VANGL1: variants seen among roughly 807,000 people sequenced by gnomAD.
VANGL1 encodes vang-like protein 1.
In VANGL1, 18 loss-of-function variants were observed where a neutral mutation model predicts 48.4. The ratio of observed to expected loss-of-function variants is 0.37; its 90% confidence interval spans 0.26 to 0.55. VANGL1 has a LOEUF of 0.55. Among genes scored for constraint, VANGL1 ranks in the 20% least tolerant of loss-of-function variants. The pLI, the probability that VANGL1 is intolerant of heterozygous loss-of-function variation, is 0.81. For synonymous variants in VANGL1, 257 were observed against 261.8 expected (o/e 0.98, Z 0.18); for missense variants, 667 against 675.8 (o/e 0.99, Z 0.14).
chr1:115,654,733 A>T (rs1228719837), intron 2 of VANGL1, among the ~76,000 whole-genome samples: 1 of 152,090 alleles, frequency 6.6e-6, no homozygotes, highest in Non-Finnish European at 1.5e-5. Context: ...GGTTTGGAGC[A>T]CAAGTTCCCT....
rs1341360527 is a variant in VANGL1 at position 115,645,434 on chromosome 1, A to G, written c.-138+3348A>G. The stretch of plus-strand genomic sequence containing the variant: ...GCTAGGCACTGTTCTAATAATTTTT[A>G]TGAATTATCTCATTTAATACCTACC... On this transcript the variant is annotated intron_variant, in intron 1 of 7. Coordinates refer to ENST00000355485, the MANE Select transcript of VANGL1 (RefSeq NM_138959.3). 2.0e-5 allele frequency among the ~76,000 whole-genome samples: 3 copies of G among 152,226 alleles called. No homozygotes were observed. In the East Asian group the frequency reaches 5.8e-4, roughly 29 times the overall value.
chr1:115,686,729 T>C (rs189648088), intron 7 of VANGL1, among the ~76,000 whole-genome samples: 1 of 152,140 alleles, frequency 6.6e-6, no homozygotes, highest in East Asian at 1.9e-4. Context: ...ACACCCAAAA[T>C]GCCTGACAAA....
chr1:115,682,312 C>T, intron 4 of VANGL1, 52 bp from the exon 5 acceptor site: 1 of 1,609,196 alleles, frequency 6.2e-7, no homozygotes, highest in Non-Finnish European at 8.5e-7. Flanking sequence ...TCGTTTAGGA[C>T]CTGCTTCTTC....
At chr1:115,661,441 A>G (rs1647123133) in intron 3 of VANGL1, among the ~76,000 whole-genome samples, 1 of 151,726 alleles carries the variant, frequency 6.6e-6, no homozygotes, top group African/African-American at 2.4e-5. Context: ...CATATGGTCC[A>G]TCTCCTGCCC....
chr1:115,691,410 A>G lies in VANGL1; in HGVS notation c.*31A>G, dbSNP rs1294254464. 1 of 1,596,450 alleles carries G rather than the reference A, an allele frequency of 6.3e-7. No individual in the cohort carries two copies. Among genetic ancestry groups the G allele is most frequent in the Non-Finnish European group, 8.5e-7 (1 of 1,173,720 alleles). On this transcript the variant is annotated 3_prime_UTR_variant, in exon 8 of 8. Transcript: ENST00000355485. ...CTATATTTGTGGCTTTATTAAAAAAAAAAGAAAAATATATAGAGAGATATA... is the reference window on the plus strand; with the variant it reads ...CTATATTTGTGGCTTTATTAAAAAAGAAAGAAAAATATATAGAGAGATATA...
At position 115,691,693 on chromosome 1, in the gene VANGL1, T is replaced by G. The variant is rs1177927617; in HGVS notation, c.*314T>G. On this transcript the variant is annotated 3_prime_UTR_variant, in exon 8 of 8. Transcript: ENST00000355485. ...CTTGGGAGCCTCGCCTTACAACTAA[T>G]TCCTGCCTTTCGTCCAGTACCAAGT... The G allele has an allele frequency of 3.4e-6, 1 of 291,924 alleles. No homozygotes were observed. The highest frequency in any genetic ancestry group is 6.4e-6 in the Non-Finnish European group (1 of 156,724). The allele number at this position is 291,924 out of a possible 1,614,324, so 18.1% of individuals were successfully genotyped here.
At chr1:115,648,467 G>A (rs61800291) in intron 1 of VANGL1, among the ~76,000 whole-genome samples, 17,757 of 152,152 alleles carry the variant, frequency 0.12, 1,324 homozygotes, top group South Asian at 0.33. Flanking sequence ...GCCTTTCCCT[G>A]GAGGGCAGTT....
intron 4 of VANGL1, among the ~76,000 whole-genome samples, chr1:115,679,043 A>G (rs1178584459): frequency 6.6e-6 from 1 of 151,934 alleles, no homozygotes; most frequent in Non-Finnish European, 1.5e-5. Context: ...TTTTGTGTTT[A>G]TTTAGTTACT....
In VANGL1 at chr1:115,652,886, T is replaced by C. The variant is rs887929871; in HGVS notation, c.71+1402T>C. On this transcript the variant is annotated intron_variant, in intron 2 of 7. Coordinates refer to ENST00000355485, the MANE Select transcript of VANGL1 (RefSeq NM_138959.3). ...AGAAGCTGGAGAATGATGGAAATTT[T>C]CATTTATCTTTTTGTACTTGTTCAA... Among the ~76,000 whole-genome samples, 7 of 152,236 alleles carry C rather than the reference T, an allele frequency of 4.6e-5. No homozygotes were observed. The East Asian group carries it at 1.3e-3, about 29-fold the overall frequency.
intron 4 of VANGL1, among the ~76,000 whole-genome samples, 194 bp downstream of exon 4, chr1:115,664,462 C>T (rs1243706511): frequency 3.3e-5 from 5 of 152,092 alleles, no homozygotes; most frequent in Middle Eastern, 3.2e-3. Context: ...CTAGATGGTG[C>T]GGGGCAGTTG....
At chr1:115,669,265 C>G (rs1652892515) in intron 4 of VANGL1, among the ~76,000 whole-genome samples, 2 of 152,174 alleles carry the variant, frequency 1.3e-5, no homozygotes, top group African/African-American at 2.4e-5. Context: ...GTGACCCATT[C>G]TATAGGATAT....
At chr1:115,661,517 G>C (rs2101332655) in intron 3 of VANGL1, among the ~76,000 whole-genome samples, 1 of 120,424 alleles carries the variant, frequency 8.3e-6, no homozygotes, top group South Asian at 2.8e-4. Context: ...TGTTTCAACA[G>C]CTTATTCTTT....
intron 4 of VANGL1, among the ~76,000 whole-genome samples, chr1:115,674,363 T>G (rs574152029): frequency 2.0e-5 from 3 of 152,208 alleles, no homozygotes; most frequent in Non-Finnish European, 4.4e-5. Flanking sequence ...CCTTGAAGGT[T>G]TCATTTACAT....
chr1:115,664,635 C>G (rs1006821345), intron 4 of VANGL1, among the ~76,000 whole-genome samples: 4 of 152,298 alleles, frequency 2.6e-5, no homozygotes, highest in African/African-American at 9.6e-5. Context: ...CATTTTGTCC[C>G]AAATGTGACA....
intron 2 of VANGL1, among the ~76,000 whole-genome samples, chr1:115,658,559 A>C (rs1469182859): frequency 2.0e-5 from 3 of 152,212 alleles, no homozygotes; most frequent in East Asian, 3.9e-4. Flanking sequence ...GGGCAGATCC[A>C]AGATCTGTTT....
In VANGL1 at chr1:115,659,334, T is replaced by C. The variant is rs539378885; in HGVS notation, c.72-307T>C. ...ATTATTACAATAAAGTGTAACTAGCTACAAAAATCCTAAAATTACAATTTT... is the reference window on the plus strand; with the variant it reads ...ATTATTACAATAAAGTGTAACTAGCCACAAAAATCCTAAAATTACAATTTT... On this transcript the variant is annotated intron_variant, in intron 2 of 7. Transcript: ENST00000355485. 5.3e-5 allele frequency among the ~76,000 whole-genome samples: 8 copies of C among 152,260 alleles called. No individual in the cohort carries two copies. The East Asian group carries it at 1.5e-3, about 29-fold the overall frequency.
chr1:115,695,879 A>G lies in VANGL1; in HGVS notation c.*4500A>G, dbSNP rs1654011731. 1 of 152,224 alleles carries G rather than the reference A, an allele frequency of 6.6e-6. No homozygotes were observed. Among genetic ancestry groups the G allele is most frequent in the Admixed American group, 6.5e-5 (1 of 15,276 alleles). The allele number at this position is 152,224 out of a possible 1,614,324, so 9.4% of individuals were successfully genotyped here. ...ATTCGGCACTTCTGGATGTTGAGGAAGGACCTAGAGACACATCCTTGAACT... is the reference window on the plus strand; with the variant it reads ...ATTCGGCACTTCTGGATGTTGAGGAGGGACCTAGAGACACATCCTTGAACT... On this transcript the variant is annotated 3_prime_UTR_variant, in exon 8 of 8. Coordinates refer to ENST00000355485, the MANE Select transcript of VANGL1 (RefSeq NM_138959.3).
intron 4 of VANGL1, among the ~76,000 whole-genome samples, chr1:115,674,775 G>C (rs1374292804): frequency 2.6e-5 from 4 of 152,164 alleles, no homozygotes. Flanking sequence ...TCCCTGCTCA[G>C]GGAGAAGTTG....
In VANGL1 at chr1:115,669,039, T is replaced by C. The variant is rs1402109086; in HGVS notation, c.812+4771T>C. On this transcript the variant is annotated intron_variant, in intron 4 of 7. Coordinates refer to ENST00000355485, the MANE Select transcript of VANGL1 (RefSeq NM_138959.3). The stretch of plus-strand genomic sequence containing the variant: ...ACCTCGGGCTGTCTTTCTCAGAGTC[T>C]GTTTATTCTCATTTTGCATATAGTT... Among the ~76,000 whole-genome samples, 4 of 152,366 alleles carry C rather than the reference T, an allele frequency of 2.6e-5. No homozygotes were observed. In the East Asian group the frequency reaches 7.7e-4, roughly 29 times the overall value.
Sources: gnomAD v4.1 joint callset for allele counts (sites outside exome capture counted in the v4.1 genomes callset) on GRCh38, gnomAD v4.1.1 for gene constraint, MANE v1.5 for transcripts, NCBI Gene and HGNC (gene_info 2026-07-23, HGNC 2026-07-21) for gene names.